Variants in WWOX observed in about 807,000 individuals in gnomAD.
WWOX encodes WW domain-containing oxidoreductase.
In WWOX, 69 loss-of-function variants were observed where a neutral mutation model predicts 46.2. That is an observed-to-expected ratio of 1.49 (90% CI 1.23 to 1.82). WWOX has a LOEUF of 1.82. Ranked by LOEUF, WWOX falls within the 40% of genes most tolerant of loss-of-function variation. The pLI, the probability that WWOX is intolerant of heterozygous loss-of-function variation, is 0.00. For missense variants in WWOX, 919 were observed against 542.6 expected, an observed-to-expected ratio of 1.69 and a Z score of -6.89; for synonymous variants, 359 against 202.6, an observed-to-expected ratio of 1.77 and a Z score of -6.56.
At chr16:78,702,007 TTATATATATATATATA>T (rs869227421) in intron 8 of WWOX, among the ~76,000 whole-genome samples, 18 of 57,626 alleles carry the variant, frequency 3.1e-4, no homozygotes, top group South Asian at 7.5e-4. Context: ...CTACATAAAA[TTATATATATATATATA>T]TATATATATA....
chr16:78,175,027 A>AATAATC (rs1350628005), intron 5 of WWOX, among the ~76,000 whole-genome samples: 1 of 129,294 alleles, frequency 7.7e-6, no homozygotes, highest in Non-Finnish European at 1.7e-5. Flanking sequence ...TAATAATAAT[A>AATAATC]ATAAGAATCT....
chr16:78,834,628 G>C (rs923185538), intron 8 of WWOX, among the ~76,000 whole-genome samples: 4 of 152,174 alleles, frequency 2.6e-5, no homozygotes, highest in Non-Finnish European at 5.9e-5. Flanking sequence ...GATGAAGACA[G>C]GGTTCCAGGA....
Position 78,750,705 on chromosome 16 carries a change from G to C in WWOX, c.1056+317953G>C, listed in dbSNP as rs145074866. On this transcript the variant is annotated intron_variant, in intron 8 of 8. Coordinates refer to ENST00000566780, the MANE Select transcript of WWOX (RefSeq NM_016373.4). ...TTCCTGTCTTCATGCCCATGTGTACGCAGTGTTGAGCTTCGACTTGTAAGT... is the reference window on the plus strand; with the variant it reads ...TTCCTGTCTTCATGCCCATGTGTACCCAGTGTTGAGCTTCGACTTGTAAGT... Among the ~76,000 whole-genome samples the C allele has an allele frequency of 1.9e-3, 282 of 152,102 alleles. 1 individual carries two copies. The highest frequency in any genetic ancestry group is 6.2e-3 in the African/African-American group (259 of 41,488).
At chr16:78,468,514 T>A (rs1279293964) in intron 8 of WWOX, among the ~76,000 whole-genome samples, 1 of 152,184 alleles carries the variant, frequency 6.6e-6, no homozygotes, top group Non-Finnish European at 1.5e-5. Flanking sequence ...GGTCATCTCA[T>A]GGTCCATTGT....
At chr16:78,864,708 C>G (rs535383308) in intron 8 of WWOX, among the ~76,000 whole-genome samples, 1 of 140,734 alleles carries the variant, frequency 7.1e-6, no homozygotes, top group Non-Finnish European at 1.5e-5. Flanking sequence ...AACAATGGAT[C>G]TTTGGTAATT....
intron 8 of WWOX, among the ~76,000 whole-genome samples, chr16:78,815,710 T>G (rs2051311432): frequency 1.3e-5 from 2 of 152,334 alleles, no homozygotes; most frequent in South Asian, 4.1e-4. Context: ...TAAGGAAATC[T>G]GAAAAGGAGC....
intron 6 of WWOX, among the ~76,000 whole-genome samples, chr16:78,388,518 A>C (rs1378094702): frequency 6.6e-6 from 1 of 151,908 alleles, no homozygotes; most frequent in Non-Finnish European, 1.5e-5. Context: ...GTAGTGGTGC[A>C]CACCTCTAGT....
intron 5 of WWOX, among the ~76,000 whole-genome samples, chr16:78,216,838 T>A (rs952615619): frequency 2.0e-5 from 3 of 152,092 alleles, no homozygotes; most frequent in African/African-American, 7.2e-5. Flanking sequence ...TTCAAGCGAT[T>A]CTCCTGCCTC....
chr16:79,085,195 C>G (rs2048832285), intron 8 of WWOX, among the ~76,000 whole-genome samples: 1 of 152,150 alleles, frequency 6.6e-6, no homozygotes, highest in Non-Finnish European at 1.5e-5. Flanking sequence ...GTCTTTGTCT[C>G]TCTCTCTCTT....
At chr16:79,116,130 C>T (rs1356989373) in intron 8 of WWOX, among the ~76,000 whole-genome samples, 1 of 152,166 alleles carries the variant, frequency 6.6e-6, no homozygotes, top group African/African-American at 2.4e-5. Flanking sequence ...TCATCTGAGC[C>T]TTCAGCAAGT....
At chr16:78,846,741 T>G (rs113433459) in intron 8 of WWOX, among the ~76,000 whole-genome samples, 1,788 of 152,288 alleles carry the variant, frequency 0.012, 20 homozygotes, top group Middle Eastern at 0.031. Flanking sequence ...ACTTTGGGAC[T>G]ACTTCTCAAA....
chr16:78,147,268 C>G (rs1329925733), intron 4 of WWOX, among the ~76,000 whole-genome samples: 1 of 151,612 alleles, frequency 6.6e-6, no homozygotes, highest in Non-Finnish European at 1.5e-5. Context: ...TACATTTTGC[C>G]TCTTTTTTGT....
At chr16:78,853,556 T>C (rs1290967089) in intron 8 of WWOX, among the ~76,000 whole-genome samples, 1 of 152,230 alleles carries the variant, frequency 6.6e-6, no homozygotes, top group African/African-American at 2.4e-5. Context: ...CCATTACTCA[T>C]GAATCTTCTT....
At chr16:78,736,526 A>G (rs950007228) in intron 8 of WWOX, among the ~76,000 whole-genome samples, 1 of 152,136 alleles carries the variant, frequency 6.6e-6, no homozygotes, top group Non-Finnish European at 1.5e-5. Context: ...CATCAAATTC[A>G]TGAGTATCCA....
chr16:78,420,651 A>ATGGTTTTTTTTTTT (rs75985674), intron 6 of WWOX, among the ~76,000 whole-genome samples: 1 of 139,144 alleles, frequency 7.2e-6, no homozygotes. Flanking sequence ...GTGATTGCTA[A>ATGGTTTTTTTTTTT]TTTTTTTTTT....
intron 5 of WWOX, among the ~76,000 whole-genome samples, chr16:78,379,845 C>G (rs1597132175): frequency 6.6e-6 from 1 of 152,262 alleles, no homozygotes; most frequent in Middle Eastern, 3.4e-3. Context: ...TTCTAAAGGC[C>G]TGTTGCCTTG....
chr16:78,730,975 C>G (rs887959412), intron 8 of WWOX, among the ~76,000 whole-genome samples: 1 of 152,098 alleles, frequency 6.6e-6, no homozygotes, highest in Admixed American at 6.6e-5. Flanking sequence ...CAAAGTAACT[C>G]AACTTACAGT....
At chr16:78,911,626 G>T (rs2045114038) in intron 8 of WWOX, among the ~76,000 whole-genome samples, 1 of 152,024 alleles carries the variant, frequency 6.6e-6, no homozygotes, top group African/African-American at 2.4e-5. Context: ...AACACTTTGG[G>T]AAGCTGAGAC....
intron 8 of WWOX, among the ~76,000 whole-genome samples, chr16:78,715,104 G>C (rs2048530663): frequency 6.6e-6 from 1 of 151,902 alleles, no homozygotes; most frequent in African/African-American, 2.4e-5. Context: ...CACATAGTGA[G>C]ACCCCATCTC....
Sources: gnomAD v4.1 joint callset for allele counts (sites outside exome capture counted in the v4.1 genomes callset) on GRCh38, gnomAD v4.1.1 for gene constraint, MANE v1.5 for transcripts, NCBI Gene and HGNC (gene_info 2026-07-23, HGNC 2026-07-21) for gene names.